The following PDE8B variants were observed in gnomAD, a reference collection of about 807,000 sequenced individuals.
The protein encoded by PDE8B is high affinity cAMP-specific and IBMX-insensitive 3',5'-cyclic phosphodiesterase 8B.
A neutral mutation model predicts 101.3 loss-of-function variants in PDE8B; 26 were observed. The observed-to-expected ratio is 0.26, with a 90% CI of 0.19 to 0.36. The LOEUF is 0.36. Among genes scored for constraint, PDE8B ranks in the 10% least tolerant of loss-of-function variants. The pLI is 1.00. For synonymous variants in PDE8B, 424 were observed against 429.3 expected (o/e 0.99, Z 0.15); for missense variants, 810 against 1,163.1 (o/e 0.70, Z 4.42).
At chr5:77,238,973 C>A (rs1290750038) in intron 1 of PDE8B, among the ~76,000 whole-genome samples, 1 of 152,204 alleles carries the variant, frequency 6.6e-6, no homozygotes, top group African/African-American at 2.4e-5. Flanking sequence ...AATTCAAATG[C>A]TAATCTTTCC....
the PDE8B span, among the ~76,000 whole-genome samples, chr5:77,190,695 G>C: frequency 6.6e-6 from 1 of 152,196 alleles, no homozygotes; most frequent in Admixed American, 6.5e-5. Flanking sequence ...CCTAAAAGTT[G>C]TGTTCTCCTC....
intron 4 of PDE8B, 161 bp from the exon 5 acceptor site, chr5:77,331,241 G>A: frequency 1.3e-6 from 1 of 750,736 alleles, no homozygotes; most frequent in South Asian, 1.4e-5. Context: ...TAGATGTGGG[G>A]TCTGTATCCT....
At chr5:77,341,634 A>G (rs934658470) in intron 6 of PDE8B, among the ~76,000 whole-genome samples, 1 of 152,224 alleles carries the variant, frequency 6.6e-6, no homozygotes, top group African/African-American at 2.4e-5. Flanking sequence ...GTGTTTCTCC[A>G]AGAGTGACTT....
At chr5:77,286,974 G>A (rs1209024685) in intron 1 of PDE8B, among the ~76,000 whole-genome samples, 4 of 151,996 alleles carry the variant, frequency 2.6e-5, no homozygotes, top group African/African-American at 9.7e-5. Context: ...TTTCCCTCCG[G>A]ATTCCATGCT....
rs1196843249 is a variant in PDE8B, at chr5:77,412,150, G to A, written c.1627G>A (p.Val543Ile). Residue 543 changes from valine (V) to isoleucine (I), a missense_variant, in exon 16 of 22, where the codon GTT becomes ATT. By Grantham distance (29) the Val-to-Ile change is conservative. Coordinates refer to ENST00000264917, the MANE Select transcript of PDE8B (RefSeq NM_003719.5). ...TGCAATGCCAATAACCATCAATGATGTTCCCCCTTGTATCTCTCAATTACT... is the reference window on the plus strand; with the variant it reads ...TGCAATGCCAATAACCATCAATGATATTCCCCCTTGTATCTCTCAATTACT... ...HLAMPITIND[V>I]PPCISQLLDN... 12 of 1,613,830 alleles carry A rather than the reference G, an allele frequency of 7.4e-6. No homozygotes were observed. The highest frequency in any genetic ancestry group is 2.2e-5 in the East Asian group (1 of 44,886).
the PDE8B span, among the ~76,000 whole-genome samples, chr5:77,175,809 C>G: frequency 6.6e-6 from 1 of 152,080 alleles, no homozygotes; most frequent in Non-Finnish European, 1.5e-5. Context: ...GATAAAATAC[C>G]TCACCACCGA....
chr5:77,126,163 T>G, the PDE8B span, among the ~76,000 whole-genome samples: 1 of 151,924 alleles, frequency 6.6e-6, no homozygotes, highest in Non-Finnish European at 1.5e-5. Context: ...GTGGGCACCT[T>G]TAGTCCCAGC....
chr5:77,317,086 G>A (rs17570409), intron 2 of PDE8B, among the ~76,000 whole-genome samples: 73,103 of 151,812 alleles, frequency 0.48, 17,984 homozygotes, highest in East Asian at 0.75. Flanking sequence ...AAGTGTTGCA[G>A]GGGAGAGAGA....
chr5:77,125,360 G>A, the PDE8B span, among the ~76,000 whole-genome samples: 1 of 152,162 alleles, frequency 6.6e-6, no homozygotes, highest in Non-Finnish European at 1.5e-5. Flanking sequence ...TGCATTGCTG[G>A]TGGGAATATA....
chr5:77,394,337 T>G (rs1311241279), intron 10 of PDE8B, among the ~76,000 whole-genome samples: 2 of 152,160 alleles, frequency 1.3e-5, no homozygotes, highest in Non-Finnish European at 2.9e-5. Flanking sequence ...AAAAAGAGGC[T>G]CTCTGCTCAT....
At chr5:77,371,854 G>A (rs1441958823) in intron 10 of PDE8B, among the ~76,000 whole-genome samples, 1 of 152,102 alleles carries the variant, frequency 6.6e-6, no homozygotes, top group African/African-American at 2.4e-5. Flanking sequence ...GTGACAAATG[G>A]AATTGATTTC....
chr5:77,390,709 G>A (rs1456305073), intron 10 of PDE8B, among the ~76,000 whole-genome samples: 3 of 152,152 alleles, frequency 2.0e-5, no homozygotes, highest in Non-Finnish European at 4.4e-5. Context: ...GAGATGTCCC[G>A]CACTAATGCA....
intron 10 of PDE8B, among the ~76,000 whole-genome samples, chr5:77,367,600 G>A (rs1195883909): frequency 1.4e-5 from 2 of 142,622 alleles, no homozygotes; most frequent in Non-Finnish European, 3.0e-5. Flanking sequence ...GCGCAATCTC[G>A]ACTCACTGCA....
intron 1 of PDE8B, among the ~76,000 whole-genome samples, chr5:77,299,334 C>G (rs2150021364): frequency 6.6e-6 from 1 of 151,846 alleles, no homozygotes; most frequent in Non-Finnish European, 1.5e-5. Context: ...AGGTTTGTTA[C>G]ATACGTATAC....
At chr5:77,168,169 T>G in the PDE8B span, among the ~76,000 whole-genome samples, 1 of 152,202 alleles carries the variant, frequency 6.6e-6, no homozygotes. Flanking sequence ...AGAGTCTAAG[T>G]CTATCTCCAT....
the PDE8B span, chr5:77,098,669 G>C: frequency 6.6e-6 from 1 of 152,120 alleles, no homozygotes; most frequent in African/African-American, 2.4e-5. Flanking sequence ...CCAGAGACTG[G>C]GTAATTAATA....
the PDE8B span, among the ~76,000 whole-genome samples, chr5:77,110,231 G>T: frequency 1.3e-5 from 2 of 151,948 alleles, no homozygotes; most frequent in Admixed American, 6.6e-5. Flanking sequence ...GAGCCACCGT[G>T]TCCGGCCTCA....
chr5:77,156,987 C>T, the PDE8B span, among the ~76,000 whole-genome samples: 13 of 152,298 alleles, frequency 8.5e-5, no homozygotes, highest in African/African-American at 3.1e-4. Flanking sequence ...CATATGGTCT[C>T]TCCCATGAGT....
chr5:77,412,009 T>G, intron 15 of PDE8B, 91 bp from the exon 16 acceptor site: 3 of 1,344,766 alleles, frequency 2.2e-6, no homozygotes, highest in Non-Finnish European at 3.2e-6. Context: ...AAGACTTTTT[T>G]TCTAGTAGTA....
Sources: allele counts gnomAD v4.1 joint callset (sites outside exome capture counted in the v4.1 genomes callset), GRCh38; gene constraint gnomAD v4.1.1; transcripts MANE v1.5; gene names NCBI Gene and HGNC (gene_info 2026-07-23, HGNC 2026-07-21).